ADAMTSL1: variants seen among roughly 807,000 people sequenced by gnomAD.
ADAMTSL1 encodes ADAMTS like 1.
Under a neutral mutation model 201.8 loss-of-function variants are expected in ADAMTSL1, and 126 were observed. That is an observed-to-expected ratio of 0.62 (90% CI 0.54 to 0.72). The LOEUF is 0.72. Ranked by LOEUF, ADAMTSL1 falls within the 30% of genes least tolerant of loss-of-function variation. The pLI, the probability that ADAMTSL1 is intolerant of heterozygous loss-of-function variation, is 0.00. For missense variants in ADAMTSL1, 2,679 were observed against 2,277.8 expected, an observed-to-expected ratio of 1.18 and a Z score of -3.59; for synonymous variants, 1,121 against 903.4, an observed-to-expected ratio of 1.24 and a Z score of -4.32.
chr9:18,161,402 C>A (rs920169719), intron 1 of ADAMTSL1, among the ~76,000 whole-genome samples: 2 of 151,930 alleles, frequency 1.3e-5, no homozygotes, highest in Non-Finnish European at 2.9e-5. Flanking sequence ...GAATTGGCAT[C>A]GAATAACTAA....
At chr9:18,641,503 A>G (rs923502232) in intron 7 of ADAMTSL1, among the ~76,000 whole-genome samples, 2 of 152,024 alleles carry the variant, frequency 1.3e-5, no homozygotes, top group African/African-American at 4.8e-5. Flanking sequence ...TGAAAATCAC[A>G]TCTCTTTACT....
intron 2 of ADAMTSL1, among the ~76,000 whole-genome samples, chr9:18,202,121 A>T (rs766891022): frequency 9.2e-5 from 14 of 152,284 alleles, no homozygotes; most frequent in Middle Eastern, 3.4e-3. Flanking sequence ...TGGGTTGTAA[A>T]CAAGTGTTAA....
At chr9:18,102,605 A>T (rs1824579365) in intron 1 of ADAMTSL1, among the ~76,000 whole-genome samples, 1 of 152,214 alleles carries the variant, frequency 6.6e-6, no homozygotes, top group Non-Finnish European at 1.5e-5. Context: ...ATGTGGGAGC[A>T]GGTCATGAAG....
intron 2 of ADAMTSL1, among the ~76,000 whole-genome samples, chr9:18,351,794 C>T (rs1835975498): frequency 6.6e-6 from 1 of 152,290 alleles, no homozygotes; most frequent in East Asian, 1.9e-4. Context: ...TTCCTGAAAC[C>T]ACATTCTTTG....
intron 1 of ADAMTSL1, among the ~76,000 whole-genome samples, chr9:17,998,976 C>T (rs1819499283): frequency 1.3e-5 from 2 of 152,016 alleles, no homozygotes; most frequent in Admixed American, 6.6e-5. Flanking sequence ...TACACTCTTT[C>T]CTCTAGATGA....
At chr9:18,638,021 T>G (rs1827205467) in intron 6 of ADAMTSL1, among the ~76,000 whole-genome samples, 1 of 152,110 alleles carries the variant, frequency 6.6e-6, no homozygotes, top group East Asian at 1.9e-4. Context: ...GGAGATTTAG[T>G]GCAGTTGCTT....
chr9:18,502,587 A>G (rs1822900677), intron 1 of ADAMTSL1, among the ~76,000 whole-genome samples: 1 of 152,166 alleles, frequency 6.6e-6, no homozygotes, highest in Non-Finnish European at 1.5e-5. Context: ...GTGATTAAGG[A>G]TTGATTTTAA....
At chr9:18,133,324 C>T (rs1012365954) in intron 1 of ADAMTSL1, among the ~76,000 whole-genome samples, 10 of 152,130 alleles carry the variant, frequency 6.6e-5, no homozygotes, top group African/African-American at 2.4e-4. Context: ...TTTGCTCTGA[C>T]TCCAGATTGC....
At chr9:18,124,077 GTTTTTT>G (rs1157492042) in intron 1 of ADAMTSL1, among the ~76,000 whole-genome samples, 1 of 70,820 alleles carries the variant, frequency 1.4e-5, no homozygotes, top group Non-Finnish European at 2.4e-5. Flanking sequence ...TTATTTGCCA[GTTTTTT>G]TTTTTTTTTT....
intron 2 of ADAMTSL1, among the ~76,000 whole-genome samples, chr9:18,442,427 C>T (rs894300387): frequency 1.3e-5 from 2 of 152,162 alleles, no homozygotes; most frequent in East Asian, 1.9e-4. Context: ...GTCGTATCTT[C>T]TATGCAGACT....
Position 18,906,760 on chromosome 9 carries a change from T to C in ADAMTSL1, c.5030T>C (p.Leu1677Pro). ...CACTGGAGAGTCAGCCTGTGGACCCTGTGCACAGCTACCTGTGGCAACTAC... is the reference window on the plus strand; with the variant it reads ...CACTGGAGAGTCAGCCTGTGGACCCCGTGCACAGCTACCTGTGGCAACTAC... ...SVHWRVSLWT[L>P]CTATCGNYGF... The change falls in exon 28 of 29, where the codon CTG becomes CCG. Residue 1677 changes from leucine (L) to proline (P), a missense_variant. Coordinates refer to ENST00000380548, the MANE Select transcript of ADAMTSL1 (RefSeq NM_001040272.6). 7 of 1,613,892 alleles carry C rather than the reference T, an allele frequency of 4.3e-6. No homozygotes were observed. Among genetic ancestry groups the C allele is most frequent in the Non-Finnish European group, 5.9e-6 (7 of 1,179,842 alleles).
intron 1 of ADAMTSL1, among the ~76,000 whole-genome samples, chr9:18,124,077 G>GTTTTTTTTTTT (rs1157492042): frequency 7.1e-5 from 5 of 70,836 alleles, no homozygotes; most frequent in Admixed American, 2.0e-4. Flanking sequence ...TTATTTGCCA[G>GTTTTTTTTTTT]TTTTTTTTTT....
At chr9:18,876,455 G>C (rs998314413) in intron 23 of ADAMTSL1, among the ~76,000 whole-genome samples, 1 of 152,074 alleles carries the variant, frequency 6.6e-6, no homozygotes, top group Non-Finnish European at 1.5e-5. Flanking sequence ...CTTGGTAGTG[G>C]TGAATTCTCT....
intron 2 of ADAMTSL1, among the ~76,000 whole-genome samples, chr9:18,238,405 T>C (rs779561287): frequency 6.6e-6 from 1 of 152,174 alleles, no homozygotes; most frequent in Non-Finnish European, 1.5e-5. Flanking sequence ...CATCCCTTTG[T>C]GCAGGCAGCA....
intron 1 of ADAMTSL1, among the ~76,000 whole-genome samples, chr9:18,493,572 C>T (rs1300574658): frequency 6.6e-6 from 1 of 152,124 alleles, no homozygotes; most frequent in Non-Finnish European, 1.5e-5. Flanking sequence ...CTAGATTAAG[C>T]CAAGATGTGA....
At chr9:18,521,872 C>T (rs1818717074) in intron 2 of ADAMTSL1, among the ~76,000 whole-genome samples, 1 of 152,088 alleles carries the variant, frequency 6.6e-6, no homozygotes, top group Non-Finnish European at 1.5e-5. Context: ...TTGTGAAACC[C>T]ACAGGGATGG....
intron 2 of ADAMTSL1, among the ~76,000 whole-genome samples, chr9:18,295,752 C>G (rs752143795): frequency 3.9e-5 from 6 of 152,172 alleles, no homozygotes; most frequent in Non-Finnish European, 8.8e-5. Flanking sequence ...AGTTCATGTA[C>G]ATACTCCAAG....
intron 23 of ADAMTSL1, among the ~76,000 whole-genome samples, chr9:18,844,758 C>G (rs1050325947): frequency 2.0e-5 from 3 of 152,234 alleles, no homozygotes; most frequent in Admixed American, 2.0e-4. Context: ...GCCCCTCCCC[C>G]AGCCTTGCTG....
chr9:17,987,298 G>T (rs1047607058), intron 1 of ADAMTSL1, among the ~76,000 whole-genome samples: 1 of 152,054 alleles, frequency 6.6e-6, no homozygotes, highest in African/African-American at 2.4e-5. Flanking sequence ...TAAGCACCAC[G>T]TTGTAATTAC....
Sources: allele counts gnomAD v4.1 joint callset (sites outside exome capture counted in the v4.1 genomes callset), GRCh38; gene constraint gnomAD v4.1.1; transcripts MANE v1.5; gene names NCBI Gene and HGNC (gene_info 2026-07-23, HGNC 2026-07-21).